The following RMDN1 variants were observed in gnomAD, a reference collection of about 807,000 sequenced individuals.
RMDN1 encodes regulator of microtubule dynamics protein 1.
In RMDN1, 48 loss-of-function variants were observed where a neutral mutation model predicts 48.9. The observed-to-expected ratio is 0.98, with a 90% CI of 0.78 to 1.25. RMDN1 has a LOEUF of 1.25. Ranked by LOEUF, RMDN1 falls within the 50% of genes most tolerant of loss-of-function variation. The pLI, the probability that RMDN1 is intolerant of heterozygous loss-of-function variation, is 0.00. For missense variants in RMDN1, 418 were observed against 373.4 expected (o/e 1.12, Z -0.98); for synonymous variants, 148 against 132.6 (o/e 1.12, Z -0.80).
At chr8:86,483,964 A>G (rs930256925) in intron 5 of RMDN1, among the ~76,000 whole-genome samples, 7 of 152,184 alleles carry the variant, frequency 4.6e-5, no homozygotes, top group African/African-American at 1.7e-4. Flanking sequence ...CACACATACA[A>G]TATACACACA....
chr8:86,493,072 T>C (rs546116068), intron 2 of RMDN1, among the ~76,000 whole-genome samples: 3 of 151,862 alleles, frequency 2.0e-5, no homozygotes, highest in Non-Finnish European at 4.4e-5. Context: ...AGCGAAGTTA[T>C]ATTTTTATAG....
upstream of RMDN1, among the ~76,000 whole-genome samples, chr8:86,512,956 G>C (rs1041871380): frequency 6.6e-6 from 1 of 151,938 alleles, no homozygotes; most frequent in East Asian, 1.9e-4. Context: ...CTTGGATTAA[G>C]AGTAAAGTTT....
At position 86,474,070 on chromosome 8, in the gene RMDN1, C is replaced by G; in HGVS notation, c.*238G>C. ...TCATACCATTTTGCATTGCTGGTAT[C>G]CAGGATGCAAAATAATCTCTTTGCC... On this transcript the variant is annotated 3_prime_UTR_variant, in exon 10 of 10. Coordinates refer to ENST00000406452, the MANE Select transcript of RMDN1 (RefSeq NM_016033.3). 8.1e-7 allele frequency: 1 copy of G among 1,238,970 alleles called. No individual in the cohort carries two copies. The highest frequency in any genetic ancestry group is 1.0e-6 in the Non-Finnish European group (1 of 988,268). 76.7% of individuals were successfully genotyped at this position (1,238,970 alleles called of 1,614,324 possible). A position where few individuals can be genotyped will look rare whatever the true frequency, so the allele number is the denominator to read the frequency against.
At chr8:86,472,252 A>G (rs1294725953), downstream of RMDN1, 3 of 596,838 alleles carry the variant, frequency 5.0e-6, no homozygotes, top group Admixed American at 9.1e-5. Flanking sequence ...TGAAACCTGA[A>G]ATTCGTGCTC....
chr8:86,496,319 A>C lies in RMDN1; in HGVS notation c.248-7680T>G, dbSNP rs373450164. ...ATCAGTATGGACCTTGAATGTATAC[A>C]GGCTAAATGCCCCACTTAAATGACA... On this transcript the variant is annotated intron_variant, in intron 2 of 9. Coordinates refer to ENST00000406452, the MANE Select transcript of RMDN1 (RefSeq NM_016033.3). Among the ~76,000 whole-genome samples, 6 of 152,360 alleles carry C rather than the reference A, an allele frequency of 3.9e-5. 1 individual carries two copies. The South Asian group carries it at 1.2e-3, about 32-fold the overall frequency.
chr8:86,482,413 G>C, intron 5 of RMDN1: 1 of 424,384 alleles, frequency 2.4e-6, no homozygotes, highest in Non-Finnish European at 4.4e-6. Flanking sequence ...ACAAAAAAAA[G>C]AAAGGAGGCT....
chr8:86,495,222 G>T (rs1481797501), intron 2 of RMDN1, among the ~76,000 whole-genome samples: 1 of 152,118 alleles, frequency 6.6e-6, no homozygotes, highest in African/African-American at 2.4e-5. Context: ...CCTGCATGGG[G>T]TTGCCAAGCA....
chr8:86,473,362 AC>A lies in RMDN1; in HGVS notation c.*945del. ...GTAGCATAGTCCTGCCTATTTAAAA[AC>A]ATCTTAGTATTCCATTTCACTCTTA... On this transcript the variant is annotated 3_prime_UTR_variant, in exon 10 of 10. Transcript: ENST00000406452. 2 of 985,366 alleles carry A rather than the reference AC, an allele frequency of 2.0e-6. No individual in the cohort carries two copies. The highest frequency in any genetic ancestry group is 9.4e-5 in the South Asian group (2 of 21,290). 61.0% of individuals were successfully genotyped at this position (985,366 alleles called of 1,614,324 possible). A position where few individuals can be genotyped will look rare whatever the true frequency, so the allele number is the denominator to read the frequency against.
downstream of RMDN1, chr8:86,468,549 C>A: frequency 2.4e-6 from 1 of 421,410 alleles, no homozygotes; most frequent in Admixed American, 2.8e-5. Flanking sequence ...GGTACCACTG[C>A]TGTATAAATT....
At chr8:86,481,977 T>C in intron 5 of RMDN1, 2 of 870,386 alleles carry the variant, frequency 2.3e-6, no homozygotes, top group East Asian at 2.5e-5. Context: ...GAAATCCACA[T>C]GTGGAAATGG....
At chr8:86,503,390 CAAAAAAAAAT>C (rs1818723878) in intron 2 of RMDN1, among the ~76,000 whole-genome samples, 1 of 56,588 alleles carries the variant, frequency 1.8e-5, no homozygotes, top group African/African-American at 6.6e-5. Context: ...AAAAAAAAAA[CAAAAAAAAAT>C]AACAAAAATA....
chr8:86,491,606 AAC>A (rs773640567), intron 2 of RMDN1, among the ~76,000 whole-genome samples: 1 of 152,218 alleles, frequency 6.6e-6, no homozygotes, highest in Non-Finnish European at 1.5e-5. Flanking sequence ...TATTCTATAA[AAC>A]AGACTAAACT....
chr8:86,505,805 G>A (rs1230778312), intron 2 of RMDN1, among the ~76,000 whole-genome samples: 1 of 152,176 alleles, frequency 6.6e-6, no homozygotes, highest in Non-Finnish European at 1.5e-5. Flanking sequence ...TTATTGGAGG[G>A]TATATTATGT....
In RMDN1 at chr8:86,472,833, G is replaced by A. The variant is rs1812766711; in HGVS notation, c.*1475C>T. The A allele has an allele frequency of 4.7e-6, 1 of 212,512 alleles. No individual in the cohort carries two copies. Among genetic ancestry groups the A allele is most frequent in the Non-Finnish European group, 9.3e-6 (1 of 107,946 alleles). The allele number at this position is 212,512 out of a possible 1,614,324, so 13.2% of individuals were successfully genotyped here. A position where few individuals can be genotyped will look rare whatever the true frequency, so the allele number is the denominator to read the frequency against. On this transcript the variant is annotated 3_prime_UTR_variant, in exon 10 of 10. Transcript: ENST00000406452. ...TACCCACATGAGTGGCTGAGATAAT[G>A]ACACCTTTGCTTTCTGATGGTTCAA...
At chr8:86,506,621 C>T (rs1563665825) in intron 2 of RMDN1, among the ~76,000 whole-genome samples, 2 of 152,172 alleles carry the variant, frequency 1.3e-5, no homozygotes, top group East Asian at 1.9e-4. Context: ...CTCAATTTCC[C>T]TTCCCCTTCT....
At chr8:86,492,218 A>G (rs1816622525) in intron 2 of RMDN1, among the ~76,000 whole-genome samples, 1 of 152,186 alleles carries the variant, frequency 6.6e-6, no homozygotes, top group African/African-American at 2.4e-5. Flanking sequence ...ACACACAAAA[A>G]CAAACTAAAA....
At chr8:86,477,372 G>A in intron 7 of RMDN1, 48 bp from the exon 8 acceptor site, 1 of 1,453,766 alleles carries the variant, frequency 6.9e-7, no homozygotes, top group Non-Finnish European at 9.4e-7. Flanking sequence ...GATTAAAGAA[G>A]ACAATATTAA....
chr8:86,510,936 C>A (rs564220610), upstream of RMDN1, among the ~76,000 whole-genome samples: 1 of 152,176 alleles, frequency 6.6e-6, no homozygotes, highest in South Asian at 2.1e-4. Flanking sequence ...CCAGCCTGGG[C>A]AACACAGTGA....
upstream of RMDN1, chr8:86,508,719 C>CCCGCCTCCTGCACAGGACCTCTT: frequency 7.2e-7 from 1 of 1,382,590 alleles, no homozygotes; most frequent in Non-Finnish European, 9.3e-7. Flanking sequence ...ACCGCGCCCG[C>CCCGCCTCCTGCACAGGACCTCTT]CCGCCTCCTG....
Sources: gnomAD v4.1 joint callset for allele counts (sites outside exome capture counted in the v4.1 genomes callset) on GRCh38, gnomAD v4.1.1 for gene constraint, MANE v1.5 for transcripts, NCBI Gene and HGNC (gene_info 2026-07-23, HGNC 2026-07-21) for gene names.